Variants in COG3 observed in about 807,000 individuals in gnomAD.
The protein encoded by COG3 is component of oligomeric golgi complex 3.
Under a neutral mutation model 114.1 loss-of-function variants are expected in COG3, and 32 were observed. The ratio of observed to expected loss-of-function variants is 0.28; its 90% CI spans 0.21 to 0.38. COG3 has a LOEUF of 0.38. Ranked by LOEUF, COG3 falls within the 10% of genes least tolerant of loss-of-function variation. COG3 has a pLI of 1.00. For synonymous variants in COG3, 352 were observed against 365.7 expected (o/e 0.96, Z 0.43); for missense variants, 813 against 973.2 (o/e 0.84, Z 2.19).
At chr13:45,504,830 G>A (rs1000506178) in intron 14 of COG3, among the ~76,000 whole-genome samples, 23 of 152,184 alleles carry the variant, frequency 1.5e-4, no homozygotes, top group Non-Finnish European at 2.9e-4. Context: ...ATTGTGGCTA[G>A]TCTGAATGTG....
At chr13:45,507,975 A>C (rs1168883171) in intron 14 of COG3, among the ~76,000 whole-genome samples, 1 of 147,576 alleles carries the variant, frequency 6.8e-6, no homozygotes, top group Non-Finnish European at 1.5e-5. Flanking sequence ...AGGCTGAGGC[A>C]GAAGAATCAC....
At chr13:45,518,717 G>A (rs1277018036) in intron 17 of COG3, 45 bp from the exon 18 acceptor site, 66 of 1,465,530 alleles carry the variant, frequency 4.5e-5, no homozygotes, top group Non-Finnish European at 5.8e-5. Context: ...TGGCTTTGCT[G>A]TTGAAACTTT....
chr13:45,522,616 C>A (rs1487862945), intron 19 of COG3, among the ~76,000 whole-genome samples: 2 of 152,128 alleles, frequency 1.3e-5, no homozygotes, highest in Non-Finnish European at 2.9e-5. Context: ...AATTATTGAT[C>A]TTTCCTGAGA....
rs186951711 is a variant in COG3, at chr13:45,503,091, A to G, written c.1489-153A>G. Among the ~76,000 whole-genome samples the G allele has an allele frequency of 6.9e-3, 1,051 of 152,282 alleles. 8 individuals are homozygous for G. Among genetic ancestry groups the G allele is most frequent in the Non-Finnish European group, 7.1e-3 (486 of 68,020 alleles). On this transcript the variant is annotated intron_variant, in intron 13 of 22. Coordinates refer to ENST00000349995, the MANE Select transcript of COG3 (RefSeq NM_031431.4). ...ATTGGCCAGTTACTTGAACAAAAAC[A>G]TTTCTAATATTCAGAATGTATCCAG...
intron 13 of COG3, among the ~76,000 whole-genome samples, chr13:45,501,855 G>A (rs1483359945): frequency 6.6e-6 from 1 of 152,194 alleles, no homozygotes; most frequent in East Asian, 1.9e-4. Flanking sequence ...TAACAGGCTG[G>A]AAATATGTTC....
intron 15 of COG3, among the ~76,000 whole-genome samples, chr13:45,510,739 T>C (rs1870766751): frequency 6.6e-6 from 1 of 152,208 alleles, no homozygotes; most frequent in South Asian, 2.1e-4. Context: ...TATATTCAAA[T>C]CTTAACACTT....
At chr13:45,526,356 G>A (rs546802701) in intron 20 of COG3, among the ~76,000 whole-genome samples, 2 of 151,992 alleles carry the variant, frequency 1.3e-5, no homozygotes, top group African/African-American at 4.8e-5. Flanking sequence ...AAAATGCTGG[G>A]ATTACAGGCC....
chr13:45,491,369 C>A, intron 9 of COG3, 43 bp from the exon 10 acceptor site: 1 of 1,577,580 alleles, frequency 6.3e-7, no homozygotes. Flanking sequence ...ATTTAGTTTA[C>A]ATATCTGAAA....
chr13:45,494,318 T>A (rs1868458991), intron 12 of COG3, among the ~76,000 whole-genome samples: 1 of 146,094 alleles, frequency 6.8e-6, no homozygotes, highest in Non-Finnish European at 1.5e-5. Context: ...ACAGCAAGAC[T>A]CTGTCTTAAA....
chr13:45,517,041 T>G (rs916865083), intron 17 of COG3, among the ~76,000 whole-genome samples: 1 of 152,200 alleles, frequency 6.6e-6, no homozygotes, highest in African/African-American at 2.4e-5. Flanking sequence ...GAGTAGTTAA[T>G]TTTTAAGATA....
At chr13:45,494,914 C>T (rs80286255) in intron 12 of COG3, among the ~76,000 whole-genome samples, 1,988 of 139,340 alleles carry the variant, frequency 0.014, 41 homozygotes, top group African/African-American at 0.044. Flanking sequence ...GGCGCGATCT[C>T]GGCTCACTGC....
chr13:45,528,532 A>G (rs533861323), intron 20 of COG3, among the ~76,000 whole-genome samples: 1 of 152,328 alleles, frequency 6.6e-6, no homozygotes, highest in East Asian at 1.9e-4. Context: ...AAGCTATAAA[A>G]TGAAAAGTAA....
At position 45,518,778 on chromosome 13, in the gene COG3, C is replaced by T. The variant is rs1871808156; in HGVS notation, c.1947C>T (p.Ile649=). 2 of 1,613,346 alleles carry T rather than the reference C, an allele frequency of 1.2e-6. No homozygotes were observed. The highest frequency in any genetic ancestry group is 1.7e-6 in the Non-Finnish European group (2 of 1,179,650). ...GTTTCACAGATGCAGCATTTAAAAT[C>T]CTGAACCCTATGACTGTCCCAAGAT... ...LKKTRDAAFK[I]LNPMTVPRFF... is the part of the protein sequence containing the mutation. The change falls in exon 18 of 23, where the codon ATC becomes ATT. Residue 649 remains isoleucine (I), a synonymous_variant. Transcript: ENST00000349995.
chr13:45,520,527 A>G (rs2985981), intron 19 of COG3, among the ~76,000 whole-genome samples: 109,908 of 152,006 alleles, frequency 0.72, 41,269 homozygotes, highest in Admixed American at 0.82. Flanking sequence ...TTCTTGTTGG[A>G]TCCATCAACG....
chr13:45,487,636 T>C (rs1407329734), intron 8 of COG3, among the ~76,000 whole-genome samples: 1 of 152,076 alleles, frequency 6.6e-6, no homozygotes, highest in Non-Finnish European at 1.5e-5. Context: ...TATGAAAAAA[T>C]GTTCAACATC....
chr13:45,525,158 G>T lies in COG3; in HGVS notation c.2230+107G>T, dbSNP rs530031046. 59 of 816,538 alleles carry T rather than the reference G, an allele frequency of 7.2e-5. No homozygotes were observed. In the African/African-American group the frequency reaches 9.1e-4, roughly 13 times the overall value. The allele number at this position is 816,538 out of a possible 1,614,324, so 50.6% of individuals were successfully genotyped here. A position where few individuals can be genotyped will look rare whatever the true frequency, so the allele number is the denominator to read the frequency against. ...GAGTTGGTTTCCTATTCACTCTGGG[G>T]TGCTGCAATCTGAGTTAATGCAGGA... On this transcript the variant is annotated intron_variant, in intron 20 of 22. Coordinates refer to ENST00000349995, the MANE Select transcript of COG3 (RefSeq NM_031431.4).
In COG3 at chr13:45,519,109, G is replaced by T; in HGVS notation, c.2154+15G>T. On this transcript the variant is annotated intron_variant, in intron 19 of 22. Coordinates refer to ENST00000349995, the MANE Select transcript of COG3 (RefSeq NM_031431.4). The stretch of plus-strand genomic sequence containing the variant: ...TCATGACAAAGGTATAGACCTTGGT[G>T]CCTATGTGGTAAAGTCATTTTGCAT... The T allele has an allele frequency of 1.2e-6, 2 of 1,612,042 alleles. No homozygotes were observed. The highest frequency in any genetic ancestry group is 8.5e-7 in the Non-Finnish European group (1 of 1,179,532).
intron 1 of COG3, among the ~76,000 whole-genome samples, chr13:45,472,104 C>CT (rs1593671640): frequency 1.3e-5 from 2 of 152,236 alleles, no homozygotes; most frequent in East Asian, 3.9e-4. Flanking sequence ...GTGTAGAACT[C>CT]TGAGTTGAGT....
intron 20 of COG3, among the ~76,000 whole-genome samples, chr13:45,526,076 ATTTTTTTTTTT>A (rs386379016): frequency 3.7e-4 from 21 of 56,582 alleles, no homozygotes; most frequent in East Asian, 3.1e-3. Context: ...CAAAATTTTA[ATTTTTTTTTTT>A]TTTTTTTTTT....
Sources: allele counts gnomAD v4.1 joint callset (sites outside exome capture counted in the v4.1 genomes callset), GRCh38; gene constraint gnomAD v4.1.1; transcripts MANE v1.5; gene names NCBI Gene and HGNC (gene_info 2026-07-23, HGNC 2026-07-21).